The following CGGBP1 variants were observed in gnomAD, a reference collection of about 807,000 sequenced individuals.
CGGBP1 encodes the protein CGG triplet repeat binding protein 1, also known as CGG triplet repeat-binding protein 1.
CGGBP1 carries 4 observed loss-of-function variants against 11.4 expected under a neutral mutation model. The observed-to-expected ratio is 0.35, with a 90% CI of 0.17 to 0.80. The LOEUF is 0.80. Among genes scored for constraint, CGGBP1 ranks in the 30% least tolerant of loss-of-function variants. The pLI is 0.52. For synonymous variants in CGGBP1, 76 were observed against 74.1 expected, an observed-to-expected ratio of 1.03 and a Z score of -0.13; for missense variants, 135 against 202.1, an observed-to-expected ratio of 0.67 and a Z score of 2.01.
At chr3:88,103,727 C>T (rs918543084) in intron 2 of CGGBP1, among the ~76,000 whole-genome samples, 1 of 147,342 alleles carries the variant, frequency 6.8e-6, no homozygotes, top group Non-Finnish European at 1.5e-5. Context: ...AATGAAGTGA[C>T]AACTTTAAAG....
intron 2 of CGGBP1, among the ~76,000 whole-genome samples, chr3:88,134,512 A>T (rs546515240): frequency 6.6e-6 from 1 of 152,188 alleles, no homozygotes; most frequent in Admixed American, 6.5e-5. Context: ...TATTTGAGAA[A>T]AGAATCTACC....
At chr3:88,062,027 G>A (rs1357956356), upstream of CGGBP1, among the ~76,000 whole-genome samples, 1 of 152,130 alleles carries the variant, frequency 6.6e-6, no homozygotes, top group Non-Finnish European at 1.5e-5. Context: ...TTTTCCAGAG[G>A]GGTTTTTGTG....
upstream of CGGBP1, among the ~76,000 whole-genome samples, chr3:88,061,263 G>C (rs1458613637): frequency 6.6e-6 from 1 of 152,066 alleles, no homozygotes; most frequent in Non-Finnish European, 1.5e-5. Context: ...TCAACAACCA[G>C]CTACTAAAAT....
chr3:88,061,991 C>CA (rs1443181504), upstream of CGGBP1, among the ~76,000 whole-genome samples: 1 of 152,024 alleles, frequency 6.6e-6, no homozygotes, highest in Non-Finnish European at 1.5e-5. Context: ...GTTGTGTGGG[C>CA]AAAGGGAGAG....
At chr3:88,098,379 C>A (rs192790756) in intron 2 of CGGBP1, among the ~76,000 whole-genome samples, 3 of 152,298 alleles carry the variant, frequency 2.0e-5, no homozygotes, top group Admixed American at 6.5e-5. Flanking sequence ...CAGATGGATT[C>A]ACAGCCAAAT....
chr3:88,059,295 G>T (rs761216108), upstream of CGGBP1: 4 of 1,533,506 alleles, frequency 2.6e-6, no homozygotes, highest in South Asian at 4.8e-5. Context: ...GCAGGGGCTG[G>T]TACGCGCTGG....
intron 2 of CGGBP1, among the ~76,000 whole-genome samples, chr3:88,134,391 G>T (rs771399355): frequency 3.3e-5 from 5 of 151,888 alleles, no homozygotes; most frequent in African/African-American, 4.8e-5. Context: ...ATGTTTTAAA[G>T]AATTCTAATT....
chr3:88,089,183 T>A (rs1708504415), intron 2 of CGGBP1, among the ~76,000 whole-genome samples: 1 of 129,068 alleles, frequency 7.7e-6, no homozygotes, highest in Non-Finnish European at 1.6e-5. Flanking sequence ...TTACTCAAGC[T>A]TACGTATTAA....
At chr3:88,080,317 C>G (rs1197169440) in intron 2 of CGGBP1, among the ~76,000 whole-genome samples, 1 of 152,096 alleles carries the variant, frequency 6.6e-6, no homozygotes, top group Non-Finnish European at 1.5e-5. Context: ...GAAATTGTCA[C>G]TAAAGCAAGC....
Position 88,106,709 on chromosome 3 carries a change from A to G in CGGBP1, c.-229+34261T>C, listed in dbSNP as rs184646793. ...TGTTTAATGCTTTTTTAAGCTGTGT[A>G]GATTTTTAAAATGTAATTAAAATAT... On this transcript the variant is annotated intron_variant, in intron 2 of 3. Coordinates refer to the CGGBP1 transcript ENST00000462901. 3.0e-3 allele frequency among the ~76,000 whole-genome samples: 460 copies of G among 152,218 alleles called. 3 individuals are homozygous for G. The highest frequency in any genetic ancestry group is 9.9e-3 in the African/African-American group (410 of 41,532).
At chr3:88,080,899 T>G (rs1275693570) in intron 2 of CGGBP1, among the ~76,000 whole-genome samples, 1 of 152,214 alleles carries the variant, frequency 6.6e-6, no homozygotes, top group African/African-American at 2.4e-5. Flanking sequence ...GAAAGTAACA[T>G]TGGTACAATA....
At chr3:88,126,304 G>A in intron 2 of CGGBP1, 2 of 1,425,118 alleles carry the variant, frequency 1.4e-6, no homozygotes, top group East Asian at 2.5e-5. Context: ...ACCAACATTT[G>A]TGAGAAGCAA....
intron 1 of CGGBP1, chr3:88,143,077 A>C (rs1012947236): frequency 6.6e-6 from 1 of 152,292 alleles, no homozygotes; most frequent in Non-Finnish European, 1.5e-5. Flanking sequence ...CAGTTATTCT[A>C]AATAATAAAA....
At chr3:88,148,629 G>A (rs1707351196) in intron 1 of CGGBP1, among the ~76,000 whole-genome samples, 1 of 152,178 alleles carries the variant, frequency 6.6e-6, no homozygotes, top group Non-Finnish European at 1.5e-5. Flanking sequence ...ATATATGACT[G>A]ATATTTAGCT....
intron 2 of CGGBP1, among the ~76,000 whole-genome samples, chr3:88,074,233 A>G (rs1182056923): frequency 6.6e-6 from 1 of 151,920 alleles, no homozygotes; most frequent in African/African-American, 2.4e-5. Context: ...TGATTTAGAG[A>G]TGGGTATTTT....
chr3:88,122,298 A>G (rs541772780), intron 2 of CGGBP1, among the ~76,000 whole-genome samples: 5 of 152,258 alleles, frequency 3.3e-5, no homozygotes, highest in South Asian at 2.1e-4. Flanking sequence ...ATGATGTGCA[A>G]TAGGTGAATG....
upstream of CGGBP1, among the ~76,000 whole-genome samples, chr3:88,062,475 A>C (rs1706939245): frequency 6.6e-6 from 1 of 152,252 alleles, no homozygotes; most frequent in Non-Finnish European, 1.5e-5. Context: ...GTACTCTTTC[A>C]TTATGACACA....
chr3:88,131,134 A>G (rs1262675357), intron 2 of CGGBP1, among the ~76,000 whole-genome samples: 1 of 152,216 alleles, frequency 6.6e-6, no homozygotes, highest in African/African-American at 2.4e-5. Context: ...CTCCTAGGCT[A>G]CAAACCTGTA....
At chr3:88,112,255 A>G (rs900027517) in intron 2 of CGGBP1, among the ~76,000 whole-genome samples, 10 of 147,676 alleles carry the variant, frequency 6.8e-5, no homozygotes, top group Non-Finnish European at 1.0e-4. Context: ...ATTTTAGTCT[A>G]TTAGTGATTT....
Sources: allele counts gnomAD v4.1 joint callset (sites outside exome capture counted in the v4.1 genomes callset), GRCh38; gene constraint gnomAD v4.1.1; transcripts MANE v1.5; gene names NCBI Gene and HGNC (gene_info 2026-07-23, HGNC 2026-07-21).